USP9X: variants seen among roughly 807,000 people sequenced by gnomAD.
USP9X encodes ubiquitin specific peptidase 9 X-linked.
Under a neutral mutation model 190.3 loss-of-function variants are expected in USP9X, and 7 were observed. The ratio of observed to expected loss-of-function variants is 0.04; its 90% confidence interval spans 0.02 to 0.07. The LOEUF (loss-of-function observed/expected upper bound fraction) is 0.07. Among genes scored for constraint, USP9X ranks in the 10% least tolerant of loss-of-function variants. The probability of loss-of-function intolerance (pLI) is 1.00; values close to 1 mark genes in which losing one functional copy is unlikely to be tolerated. For missense variants in USP9X, 1,010 were observed against 1,916.9 expected, an observed-to-expected ratio of 0.53 and a Z score of 8.83; for synonymous variants, 645 against 659.5, an observed-to-expected ratio of 0.98 and a Z score of 0.34.
intron 1 of USP9X, among the ~76,000 whole-genome samples, chrX:41,098,868 A>G (rs941799036): frequency 2.3e-4 from 25 of 107,596 alleles, no homozygotes; most frequent in Admixed American, 6.0e-4. Context: ...TCATTACTGT[A>G]TAGTATTGTA....
At chrX:41,177,109 A>G (rs1284907423) in intron 21 of USP9X, among the ~76,000 whole-genome samples, 2 of 112,327 alleles carry the variant, frequency 1.8e-5, no homozygotes, top group Admixed American at 9.4e-5. Flanking sequence ...AGCTTAGTAT[A>G]TGTCTTCTAA....
chrX:41,143,205 C>T (rs2062437591), intron 9 of USP9X, 86 bp from the exon 10 acceptor site: 4 of 688,701 alleles, frequency 5.8e-6, no homozygotes, highest in Non-Finnish European at 7.9e-6. Flanking sequence ...TTTGAATTTC[C>T]TTATATTATT....
In USP9X at chrX:41,085,913, C is replaced by T. The variant is rs1429737356; in HGVS notation, c.-355C>T. The T allele has an allele frequency of 1.0e-5, 3 of 295,954 alleles. No individual in the cohort carries two copies. The highest frequency in any genetic ancestry group is 1.2e-4 in the Admixed American group (2 of 16,331). The allele number at this position is 295,954 out of a possible 1,213,427, so 24.4% of individuals were successfully genotyped here. On this transcript the variant is annotated 5_prime_UTR_variant, in exon 1 of 45. Coordinates refer to ENST00000378308, the MANE Select transcript of USP9X (RefSeq NM_001039591.3). ...GCGCGGCGAGGAGCGAGTTCCGGCGCCGGTGTGCAGCCTTTTGGTTGAGAC... is the reference window on the plus strand; with the variant it reads ...GCGCGGCGAGGAGCGAGTTCCGGCGTCGGTGTGCAGCCTTTTGGTTGAGAC...
At chrX:41,181,360 C>CCT (rs1405296107) in intron 21 of USP9X, among the ~76,000 whole-genome samples, 1 of 96,561 alleles carries the variant, frequency 1.0e-5, no homozygotes. Context: ...CTCACTGTAA[C>CCT]CTCAAACTCC....
chrX:41,168,373 TC>T, intron 18 of USP9X, 155 bp downstream of exon 18: 2 of 431,492 alleles, frequency 4.6e-6, no homozygotes, highest in Non-Finnish European at 3.7e-6. Flanking sequence ...TTTAATAACC[TC>T]CCCCACTCTC....
chrX:41,099,725 A>G (rs184698079), intron 1 of USP9X, among the ~76,000 whole-genome samples: 13 of 112,066 alleles, frequency 1.2e-4, no homozygotes, highest in Non-Finnish European at 1.5e-4. Context: ...TTGGCTGGTC[A>G]TGGTGGCTCA....
chrX:41,109,537 G>A (rs755387405), intron 1 of USP9X, among the ~76,000 whole-genome samples: 3 of 112,334 alleles, frequency 2.7e-5, no homozygotes, highest in Non-Finnish European at 3.8e-5. Flanking sequence ...ATGCAGTTCT[G>A]TTGCAGTGAC....
intron 14 of USP9X, among the ~76,000 whole-genome samples, chrX:41,153,689 T>C (rs149460689): frequency 8.9e-6 from 1 of 112,397 alleles, no homozygotes; most frequent in African/African-American, 3.2e-5. Flanking sequence ...TTGACAGTTA[T>C]GTCAGTCTGT....
rs1453259348 is a variant in USP9X at position 41,094,991 on chromosome X, G to C, written c.-159+8882G>C. On this transcript the variant is annotated intron_variant, in intron 1 of 44. Transcript: ENST00000378308. ...GGAGGTGGAGGTTGCAGTGAGCCCA[G>C]ATCGCGGTACTGCACTCCGTCTAGC... Among the ~76,000 whole-genome samples, 9 of 108,591 alleles carry C rather than the reference G, an allele frequency of 8.3e-5. No individual in the cohort carries two copies. In the East Asian group the frequency reaches 8.7e-4, roughly 10 times the overall value. 94.3% of individuals were successfully genotyped at this position (108,591 alleles called of 115,157 possible). A position where few individuals can be genotyped will look rare whatever the true frequency, so the allele number is the denominator to read the frequency against.
chrX:41,139,084 TCCA>T (rs924732590), intron 6 of USP9X, among the ~76,000 whole-genome samples: 3 of 112,624 alleles, frequency 2.7e-5, no homozygotes, highest in Non-Finnish European at 5.6e-5. Flanking sequence ...CTTTACTGTG[TCCA>T]CACCTGCTGT....
intron 3 of USP9X, among the ~76,000 whole-genome samples, chrX:41,130,155 G>A (rs984663846): frequency 1.8e-5 from 2 of 111,436 alleles, no homozygotes; most frequent in African/African-American, 6.5e-5. Context: ...CTATAATTTT[G>A]TAACTTGCTT....
At chrX:41,231,950 G>C (rs905468708) in intron 44 of USP9X, among the ~76,000 whole-genome samples, 1 of 111,424 alleles carries the variant, frequency 9.0e-6, no homozygotes, top group African/African-American at 3.3e-5. Flanking sequence ...CAGCATTATT[G>C]TGAGTTCAGG....
intron 1 of USP9X, among the ~76,000 whole-genome samples, chrX:41,086,994 A>G (rs889686347): frequency 1.8e-5 from 2 of 112,356 alleles, no homozygotes; most frequent in Non-Finnish European, 3.8e-5. Flanking sequence ...GGATTTCTGT[A>G]GCGACTAGAA....
At chrX:41,091,678 A>T (rs1165717563) in intron 1 of USP9X, among the ~76,000 whole-genome samples, 1 of 112,048 alleles carries the variant, frequency 8.9e-6, no homozygotes, top group Non-Finnish European at 1.9e-5. Flanking sequence ...CATTACAATG[A>T]GAAATCCTGG....
chrX:41,129,217 T>C (rs1205156884), intron 3 of USP9X, 72 bp downstream of exon 3: 39 of 1,037,088 alleles, frequency 3.8e-5, no homozygotes, highest in Non-Finnish European at 4.9e-5. Flanking sequence ...TAATAGTCTT[T>C]ATAGCTTCGT....
In USP9X at chrX:41,136,926, C is replaced by T. The variant is rs1188501864; in HGVS notation, c.558C>T (p.Ile186=). 31 of 1,210,899 alleles carry T rather than the reference C, an allele frequency of 2.6e-5. No homozygotes were observed. Among genetic ancestry groups the T allele is most frequent in the Non-Finnish European group, 3.1e-5 (28 of 894,616 alleles). ...TAAATCCTCATTGCAAATTCCATAT[C>T]TACAATGGTACACGTCCATGTGAAT... is the stretch of plus-strand genomic sequence containing the variant. ...MALNPHCKFH[I]YNGTRPCESV... The change falls in exon 6 of 45, where the codon ATC becomes ATT. Residue 186 remains isoleucine, a synonymous_variant. Transcript: ENST00000378308.
intron 1 of USP9X, among the ~76,000 whole-genome samples, chrX:41,088,795 A>G (rs1601922398): frequency 9.1e-6 from 1 of 109,842 alleles, no homozygotes. Flanking sequence ...AAAAAACCGG[A>G]TTTTAGTTGT....
intron 1 of USP9X, among the ~76,000 whole-genome samples, chrX:41,123,041 CGTGAAA>C: frequency 9.0e-6 from 1 of 111,240 alleles, no homozygotes; most frequent in Non-Finnish European, 1.9e-5. Flanking sequence ...AACACTTGGG[CGTGAAA>C]ACAGGAATGC....
At chrX:41,150,472 T>C (rs774474768) in intron 12 of USP9X, among the ~76,000 whole-genome samples, 1 of 112,187 alleles carries the variant, frequency 8.9e-6, no homozygotes, top group Non-Finnish European at 1.9e-5. Flanking sequence ...TAGTCAAATA[T>C]ACATTTTTTG....
Sources: allele counts gnomAD v4.1 joint callset (sites outside exome capture counted in the v4.1 genomes callset), GRCh38; gene constraint gnomAD v4.1.1; transcripts MANE v1.5; gene names NCBI Gene and HGNC (gene_info 2026-07-23, HGNC 2026-07-21).